The following MYOM3 variants were observed in gnomAD, a reference collection of about 807,000 sequenced individuals.
MYOM3 encodes myomesin-3.
In MYOM3, 155 loss-of-function variants were observed where a neutral mutation model predicts 191.7. The ratio of observed to expected loss-of-function variants is 0.81; its 90% CI spans 0.71 to 0.92. The LOEUF is 0.92. MYOM3 is among the 40% of genes least tolerant of loss of function. The probability of loss-of-function intolerance (pLI) is 0.00; values close to 1 mark genes in which losing one functional copy is unlikely to be tolerated. For synonymous variants in MYOM3, 757 were observed against 762.9 expected, an observed-to-expected ratio of 0.99 and a Z score of 0.13; for missense variants, 1,889 against 1,890.6, an observed-to-expected ratio of 1.00 and a Z score of 0.02.
Position 24,059,018 on chromosome 1 carries a change from T to C in MYOM3, c.3995-39A>G, listed in dbSNP as rs563687142. The C allele has an allele frequency of 1.3e-5, 20 of 1,496,542 alleles. No individual in the cohort carries two copies. The African/African-American group carries it at 1.5e-4, about 11-fold the overall frequency. The allele number at this position is 1,496,542 out of a possible 1,614,324, so 92.7% of individuals were successfully genotyped here. The stretch of plus-strand genomic sequence containing the variant: ...AAGAGACCCCAGCGATGAATCCTTT[T>C]CTGCCAGCCGCTTCCCAGAAGTTTC... On this transcript the variant is annotated intron_variant, in intron 35 of 36. Coordinates refer to ENST00000374434, the MANE Select transcript of MYOM3 (RefSeq NM_152372.4).
Position 24,099,668 on chromosome 1 carries a change from C to A in MYOM3, c.656+12G>T. On this transcript the variant is annotated intron_variant, in intron 6 of 36. Coordinates refer to ENST00000374434, the MANE Select transcript of MYOM3 (RefSeq NM_152372.4). ...TCTGGGGTCATAGGTCTCTCCAGGT[C>A]TCCAGTCTCACCTCCTAATCTCCAG... 6.2e-7 allele frequency: 1 copy of A among 1,607,880 alleles called. No homozygotes were observed. The highest frequency in any genetic ancestry group is 2.2e-5 in the East Asian group (1 of 44,824).
In MYOM3 at chr1:24,106,012, G is replaced by C. The variant is rs200880244; in HGVS notation, c.468C>G (p.Phe156Leu). The change falls in exon 5 of 37, where the codon TTC (phenylalanine) becomes TTG (leucine). Residue 156 changes from phenylalanine to leucine, a missense_variant. Transcript: ENST00000374434. ...CGGCGTGGGAGCGAAGAGGGATCCA[G>C]AACCAGGGCCCGCGGCCGTAGCACA... Reference protein sequence around the residue: ...RELCYGRGPWFWIPLRSHAVW... With the variant: ...RELCYGRGPWLWIPLRSHAVW... The C allele has an allele frequency of 6.2e-7, 1 of 1,613,992 alleles. No homozygotes were observed. The highest frequency in any genetic ancestry group is 2.2e-5 in the East Asian group (1 of 44,886).
chr1:24,100,988 C>T (rs1016709440), intron 5 of MYOM3, among the ~76,000 whole-genome samples: 1 of 152,046 alleles, frequency 6.6e-6, no homozygotes, highest in Non-Finnish European at 1.5e-5. Context: ...TAGCCATTCT[C>T]GGGGGAAACA....
chr1:24,062,382 T>G (rs562851413), intron 32 of MYOM3, among the ~76,000 whole-genome samples: 27 of 152,294 alleles, frequency 1.8e-4, no homozygotes, highest in African/African-American at 6.0e-4. Flanking sequence ...ACCTCTCTGC[T>G]TAGTCACAGG....
At chr1:24,096,260 C>A (rs1363144975) in intron 7 of MYOM3, among the ~76,000 whole-genome samples, 2 of 152,146 alleles carry the variant, frequency 1.3e-5, no homozygotes, top group East Asian at 3.9e-4. Flanking sequence ...CTCCTGTCCC[C>A]CAGGCCACTA....
Position 24,086,755 on chromosome 1 carries a change from GA to G in MYOM3, c.1686del (p.Leu563TrpfsTer16), listed in dbSNP as rs1326929080. On this transcript the variant is annotated frameshift_variant, in exon 15 of 37. Transcript: ENST00000374434. LOFTEE classifies it high-confidence loss of function. ...ESPVRSPRFA[V>X]LDLEKKKSYV... ...TACGACTTCTTTTTCTCCAGGTCCA[GA>G]ACGGCGAATCTCGGGGATCTCACAG... 6.2e-7 allele frequency: 1 copy of G among 1,614,102 alleles called. No homozygotes were observed. Among genetic ancestry groups the G allele is most frequent in the African/African-American group, 1.3e-5 (1 of 74,940 alleles).
Position 24,082,345 on chromosome 1 carries a change from C to T in MYOM3, c.2093-157G>A, listed in dbSNP as rs541294613. 1.3e-4 allele frequency: 115 copies of T among 872,644 alleles called. 1 individual carries two copies. The highest frequency in any genetic ancestry group is 7.2e-4 in the Middle Eastern group (2 of 2,776). 54.1% of individuals were successfully genotyped at this position (872,644 alleles called of 1,614,324 possible). ...TAGTATCTGTGCCTCAGGAGGGCAT[C>T]GGAGCCTCAGGTTTCTGGGTCTGAG... On this transcript the variant is annotated intron_variant, in intron 17 of 36. Transcript: ENST00000374434.
At chr1:24,107,326 A>G in intron 3 of MYOM3, 94 bp from the exon 4 acceptor site, 1 of 1,202,578 alleles carries the variant, frequency 8.3e-7, no homozygotes. Flanking sequence ...CAGTGCCAGG[A>G]TGCTTTAAAC....
intron 29 of MYOM3, 154 bp downstream of exon 29, chr1:24,065,737 C>T (rs1643425873): frequency 2.8e-6 from 2 of 703,092 alleles, no homozygotes. Context: ...ATCTTGATTA[C>T]TGAGTTTTTT....
Position 24,090,914 on chromosome 1 carries a change from C to T in MYOM3, c.1315G>A (p.Glu439Lys), listed in dbSNP as rs200014365. The T allele has an allele frequency of 3.0e-5, 48 of 1,614,052 alleles. No individual in the cohort carries two copies. In the Admixed American group the frequency reaches 6.2e-4, roughly 21 times the overall value. ...TCRCPIQGLV[E>K]GQSYRFRVRA... is the part of the protein sequence containing the mutation. Reference sequence around the variant, plus strand: ...ACCCGGAACCGATAGCTCTGACCTTCGACGAGGCCTTGGATTGGGCACCGA... The same window carrying T: ...ACCCGGAACCGATAGCTCTGACCTTTGACGAGGCCTTGGATTGGGCACCGA... The change falls in exon 12 of 37, where the codon GAA (glutamate) becomes AAA (lysine). Residue 439 changes from glutamate to lysine, a missense_variant. Physicochemically the swap from Glu to Lys is moderately conservative, Grantham distance 56. Transcript: ENST00000374434.
chr1:24,104,933 CTGGGCAA>C (rs1643969756), intron 5 of MYOM3, among the ~76,000 whole-genome samples: 1 of 152,236 alleles, frequency 6.6e-6, no homozygotes, highest in Non-Finnish European at 1.5e-5. Context: ...CCCCAGGGTA[CTGGGCAA>C]TGGGCCTTAG....
chr1:24,084,769 C>T, intron 15 of MYOM3, 130 bp from the exon 16 acceptor site: 2 of 831,902 alleles, frequency 2.4e-6, no homozygotes, highest in Non-Finnish European at 3.8e-6. Context: ...AATTCCTGAC[C>T]TGCTGGGGGC....
chr1:24,060,699 A>G (rs1643359818), intron 35 of MYOM3, among the ~76,000 whole-genome samples: 1 of 152,078 alleles, frequency 6.6e-6, no homozygotes, highest in Admixed American at 6.5e-5. Flanking sequence ...CCTGGATTCG[A>G]TGAGGCTCCA....
At chr1:24,081,275 G>A in intron 19 of MYOM3, 55 bp downstream of exon 19, 1 of 1,605,292 alleles carries the variant, frequency 6.2e-7, no homozygotes, top group Non-Finnish European at 8.5e-7. Flanking sequence ...TCATTGGGTA[G>A]GTTTGGGAAG....
Position 24,061,263 on chromosome 1 carries a change from G to A in MYOM3, c.3971+10C>T, listed in dbSNP as rs1284593867. The A allele has an allele frequency of 1.9e-6, 3 of 1,613,964 alleles. No homozygotes were observed. The highest frequency in any genetic ancestry group is 2.5e-6 in the Non-Finnish European group (3 of 1,179,988). On this transcript the variant is annotated intron_variant, in intron 34 of 36. Transcript: ENST00000374434. ...TATAATTCACACTGAGAAATGTAGA[G>A]GAAACTTACTTCAGTCTCTGGTGTT...
intron 24 of MYOM3, among the ~76,000 whole-genome samples, chr1:24,071,473 G>A (rs1643531380): frequency 6.6e-6 from 1 of 152,182 alleles, no homozygotes; most frequent in Non-Finnish European, 1.5e-5. Context: ...GAGCTCTGGG[G>A]CTGCAGTTCT....
chr1:24,084,625 G>A lies in MYOM3; in HGVS notation c.1813C>T (p.Pro605Ser). 1 of 1,612,196 alleles carries A rather than the reference G, an allele frequency of 6.2e-7. No homozygotes were observed. The highest frequency in any genetic ancestry group is 8.5e-7 in the Non-Finnish European group (1 of 1,179,042). ...TCTCTGAAAGCTTGAACTTGAGCTG[G>A]AGGAGGGAGGGTAGCTAAAAAATAG... ...LRGPPATLPP[P>S]AQVQAFRDTQ... Residue 605 changes from proline to serine, a missense_variant, in exon 16 of 37, where the codon CCA becomes TCA. Coordinates refer to ENST00000374434, the MANE Select transcript of MYOM3 (RefSeq NM_152372.4).
intron 28 of MYOM3, 38 bp downstream of exon 28, chr1:24,066,983 C>A: frequency 6.5e-7 from 1 of 1,542,300 alleles, no homozygotes; most frequent in Non-Finnish European, 8.8e-7. Flanking sequence ...ACAGGTCCCC[C>A]TGCACTGGGC....
In MYOM3 at chr1:24,076,804, G is replaced by A. The variant is rs1285241966; in HGVS notation, c.2587-531C>T. ...GCTGGGATTACAGGCGTGAGCCACC[G>A]CGCCCGGCCCCTAATGTTTCTTTTT... On this transcript the variant is annotated intron_variant, in intron 20 of 36. Coordinates refer to ENST00000374434, the MANE Select transcript of MYOM3 (RefSeq NM_152372.4). 4.2e-5 allele frequency among the ~76,000 whole-genome samples: 6 copies of A among 144,230 alleles called. 1 individual carries two copies. The highest frequency in any genetic ancestry group is 2.2e-4 in the South Asian group (1 of 4,644). 94.6% of individuals were successfully genotyped at this position (144,230 alleles called of 152,430 possible).
Sources: allele counts gnomAD v4.1 joint callset (sites outside exome capture counted in the v4.1 genomes callset), GRCh38; gene constraint gnomAD v4.1.1; transcripts MANE v1.5; gene names NCBI Gene and HGNC (gene_info 2026-07-23, HGNC 2026-07-21).